The following FER1L5 variants were observed in gnomAD, a reference collection of about 807,000 sequenced individuals.
FER1L5 encodes fer-1-like protein 5.
A neutral mutation model predicts 279.9 loss-of-function variants in FER1L5; 187 were observed. The ratio of observed to expected loss-of-function variants is 0.67; its 90% confidence interval spans 0.59 to 0.75. FER1L5 has a LOEUF of 0.75. Among genes scored for constraint, FER1L5 ranks in the 30% least tolerant of loss-of-function variants. The probability of loss-of-function intolerance (pLI) is 0.00; values close to 1 mark genes in which losing one functional copy is unlikely to be tolerated. For synonymous variants in FER1L5, 921 were observed against 989.7 expected, an observed-to-expected ratio of 0.93 and a Z score of 1.30; for missense variants, 2,091 against 2,594.4, an observed-to-expected ratio of 0.81 and a Z score of 4.21.
At chr2:96,644,460 C>G (rs978076932) in intron 1 of FER1L5, among the ~76,000 whole-genome samples, 1 of 147,766 alleles carries the variant, frequency 6.8e-6, no homozygotes, top group Non-Finnish European at 1.5e-5. Context: ...CTGGCCTGGG[C>G]GAAAAAGCAA....
intron 18 of FER1L5, 22 bp from the exon 19 acceptor site, chr2:96,673,055 G>C (rs2076386744): frequency 6.5e-7 from 1 of 1,549,078 alleles, no homozygotes; most frequent in Admixed American, 2.0e-5. Flanking sequence ...GGTATGGGGG[G>C]TGGGGGCGGT....
Position 96,700,379 on chromosome 2 carries a change from C to T in FER1L5, c.4978C>T (p.Leu1660Phe), listed in dbSNP as rs1306251240. 6.2e-7 allele frequency: 1 copy of T among 1,613,832 alleles called. No homozygotes were observed. The highest frequency in any genetic ancestry group is 1.7e-5 in the Admixed American group (1 of 60,024). The change falls in exon 45 of 53, where the codon CTT becomes TTT. Residue 1660 changes from leucine to phenylalanine, a missense_variant. By Grantham distance (22) the Leu-to-Phe change is conservative. Coordinates refer to ENST00000624922, the MANE Select transcript of FER1L5 (RefSeq NM_001293083.2). ...VHGLGPKKER[L>F]ALYLLHTQGL... ...TGGTTTGGGACCCAAGAAGGAACGC[C>T]TTGCACTGTACCTCCTGCACACCCA...
chr2:96,677,880 AG>A (rs1366138484), intron 19 of FER1L5, among the ~76,000 whole-genome samples: 18 of 151,950 alleles, frequency 1.2e-4, no homozygotes, highest in Admixed American at 1.1e-3. Context: ...AAAAAAAAAA[AG>A]AATAAAGCTG....
At chr2:96,680,423 C>T (rs1169997751) in intron 19 of FER1L5, among the ~76,000 whole-genome samples, 1 of 152,014 alleles carries the variant, frequency 6.6e-6, no homozygotes, top group African/African-American at 2.4e-5. Context: ...CTCACTCTGT[C>T]CTCTGTGGAC....
intron 19 of FER1L5, among the ~76,000 whole-genome samples, chr2:96,674,928 C>CA (rs1267247897): frequency 6.6e-6 from 1 of 152,208 alleles, no homozygotes; most frequent in Admixed American, 6.5e-5. Context: ...CAGATTCCTT[C>CA]ACCCAACAAG....
At chr2:96,690,378 G>A (rs1035195308) in intron 26 of FER1L5, 109 bp from the exon 27 acceptor site, 5 of 942,940 alleles carry the variant, frequency 5.3e-6, no homozygotes, top group South Asian at 1.5e-5. Flanking sequence ...CCTGGAGTGG[G>A]AGGCTGCTGC....
intron 19 of FER1L5, among the ~76,000 whole-genome samples, chr2:96,677,878 A>C (rs2076569428): frequency 6.6e-6 from 1 of 152,052 alleles, no homozygotes; most frequent in Admixed American, 6.6e-5. Context: ...AAAAAAAAAA[A>C]AAGAATAAAG....
intron 9 of FER1L5, among the ~76,000 whole-genome samples, chr2:96,659,466 T>C (rs529158477): frequency 2.6e-4 from 7 of 26,758 alleles, no homozygotes; most frequent in Non-Finnish European, 4.0e-4. Context: ...TCTTTCTTTC[T>C]TTCTTTCTTT....
intron 14 of FER1L5, among the ~76,000 whole-genome samples, chr2:96,668,391 G>A (rs1190170815): frequency 1.3e-5 from 2 of 152,042 alleles, no homozygotes; most frequent in Admixed American, 1.3e-4. Context: ...TTAATTACCT[G>A]GGCCTGATGG....
At chr2:96,685,914 C>G (rs990384610) in intron 21 of FER1L5, 26 bp from the exon 22 acceptor site, 1 of 1,497,670 alleles carries the variant, frequency 6.7e-7, no homozygotes, top group Non-Finnish European at 8.9e-7. Flanking sequence ...AGAGGTCCAG[C>G]CCCTGCTACC....
rs1476682143 is a variant in FER1L5 at position 96,691,752 on chromosome 2, G to A, written c.3076-73G>A. 1.2e-5 allele frequency: 18 copies of A among 1,551,344 alleles called. No individual in the cohort carries two copies. Among genetic ancestry groups the A allele is most frequent in the Non-Finnish European group, 1.5e-5 (17 of 1,146,932 alleles). ...GCGAGGGTGGCAGTGTGAGGGAGGA[G>A]GGTGACTGGGCCTGGGCTAGAGGAA... On this transcript the variant is annotated intron_variant, in intron 29 of 52. Coordinates refer to ENST00000624922, the MANE Select transcript of FER1L5 (RefSeq NM_001293083.2). The surrounding 1 kb of genome is among the most constrained non-coding windows in gnomAD (Gnocchi z 6.0).
chr2:96,648,775 A>G (rs2075243179), intron 4 of FER1L5, among the ~76,000 whole-genome samples: 1 of 152,158 alleles, frequency 6.6e-6, no homozygotes, highest in Admixed American at 6.5e-5. Context: ...CTTATTTTCT[A>G]TGTGGTTTGG....
intron 18 of FER1L5, among the ~76,000 whole-genome samples, chr2:96,672,356 A>C (rs1325090458): frequency 1.3e-5 from 2 of 152,198 alleles, no homozygotes. Context: ...GATTACAGGC[A>C]TGAGCCACCA....
Position 96,695,647 on chromosome 2 carries a change from C to G in FER1L5, c.3880C>G (p.Leu1294Val), listed in dbSNP as rs754256056. 6 of 1,606,446 alleles carry G rather than the reference C, an allele frequency of 3.7e-6. No homozygotes were observed. Among genetic ancestry groups the G allele is most frequent in the Non-Finnish European group, 5.1e-6 (6 of 1,176,192 alleles). ...CAACTTCCCCGAGTCTGAGTCTGTC[C>G]TAGTCCTCACAGTGGTAAGAGGCCC... ...NPNFPESESV[L>V]VLTVLMPTEE... The change falls in exon 35 of 53, where the codon CTA (leucine) becomes GTA (valine). Residue 1294 changes from leucine to valine, a missense_variant. Leu to Val is a conservative substitution (Grantham distance 32). Transcript: ENST00000624922.
intron 14 of FER1L5, among the ~76,000 whole-genome samples, chr2:96,664,390 T>TA (rs1310455834): frequency 6.6e-6 from 1 of 152,196 alleles, no homozygotes; most frequent in African/African-American, 2.4e-5. Flanking sequence ...TGCTTTCTGT[T>TA]ACTACGTATT....
intron 9 of FER1L5, 85 bp from the exon 10 acceptor site, chr2:96,660,256 A>T (rs2075906401): frequency 1.0e-5 from 14 of 1,375,370 alleles, no homozygotes; most frequent in Non-Finnish European, 1.3e-5. Flanking sequence ...AAGCCCCAAC[A>T]GCTAGCAGTT....
intron 10 of FER1L5, among the ~76,000 whole-genome samples, 185 bp from the exon 11 acceptor site, chr2:96,661,140 A>T (rs1354565679): frequency 6.6e-6 from 1 of 152,190 alleles, no homozygotes; most frequent in Non-Finnish European, 1.5e-5. Flanking sequence ...AACAGCTGGC[A>T]GCCTTGTGAG....
intron 19 of FER1L5, among the ~76,000 whole-genome samples, chr2:96,679,319 G>A (rs928087944): frequency 6.6e-6 from 1 of 152,062 alleles, no homozygotes; most frequent in African/African-American, 2.4e-5. Context: ...CACTTCCCAG[G>A]TTCAAGCAAT....
chr2:96,697,827 C>T, intron 39 of FER1L5, 66 bp downstream of exon 39: 1 of 1,565,934 alleles, frequency 6.4e-7, no homozygotes, highest in Non-Finnish European at 8.7e-7. Context: ...CAGAGCTAGC[C>T]TTGATTCCTC....
Sources: gnomAD v4.1 joint callset for allele counts (sites outside exome capture counted in the v4.1 genomes callset) on GRCh38, gnomAD v4.1.1 for gene constraint, Gnocchi (gnomAD v3.1) non-coding constraint, MANE v1.5 for transcripts, NCBI Gene and HGNC (gene_info 2026-07-23, HGNC 2026-07-21) for gene names.